Variants in RAD54L2 observed in about 807,000 individuals in gnomAD.
RAD54L2 encodes RAD54 like 2.
Under a neutral mutation model 138.4 loss-of-function variants are expected in RAD54L2, and 27 were observed. That is an observed-to-expected ratio of 0.20 (90% CI 0.14 to 0.27). The LOEUF (loss-of-function observed/expected upper bound fraction) is 0.27, where lower values mean the gene tolerates loss of function less well. Among genes scored for constraint, RAD54L2 ranks in the 10% least tolerant of loss-of-function variants. The probability of loss-of-function intolerance (pLI) is 1.00; values close to 1 mark genes in which losing one functional copy is unlikely to be tolerated. For synonymous variants in RAD54L2, 644 were observed against 723.2 expected (o/e 0.89, Z 1.76); for missense variants, 1,396 against 1,890.2 (o/e 0.74, Z 4.85).
At chr3:51,646,609 C>T (rs1039003435) in intron 19 of RAD54L2, 128 bp downstream of exon 19, 1 of 1,016,544 alleles carries the variant, frequency 9.8e-7, no homozygotes, top group African/African-American at 1.6e-5. Flanking sequence ...AGGCTCTGCT[C>T]TAGGGTAGGT....
At position 51,590,392 on chromosome 3, in the gene RAD54L2, G is replaced by A; in HGVS notation, c.-29G>A. 1.3e-6 allele frequency: 2 copies of A among 1,501,346 alleles called. No homozygotes were observed. The highest frequency in any genetic ancestry group is 1.8e-6 in the Non-Finnish European group (2 of 1,120,652). 93.0% of individuals were successfully genotyped at this position (1,501,346 alleles called of 1,614,324 possible). A position where few individuals can be genotyped will look rare whatever the true frequency, so the allele number is the denominator to read the frequency against. ...CACCCCTGCAGTGGACCATGAGTCGGTAATGCCCACTGAGGACCTCTGGGA... is the reference window on the plus strand; with the variant it reads ...CACCCCTGCAGTGGACCATGAGTCGATAATGCCCACTGAGGACCTCTGGGA... On this transcript the variant is annotated 5_prime_UTR_variant, in exon 3 of 23. Transcript: ENST00000684192.
At chr3:51,644,351 G>A (rs1251784302) in intron 16 of RAD54L2, among the ~76,000 whole-genome samples, 2 of 152,090 alleles carry the variant, frequency 1.3e-5, no homozygotes, top group South Asian at 2.1e-4. Flanking sequence ...AGGCAGAGGC[G>A]GGAGGATGGC....
rs1701915512 is a variant in RAD54L2, at chr3:51,666,494, A to G, written c.*3074A>G. 1 of 152,122 alleles carries G rather than the reference A, an allele frequency of 6.6e-6. No individual in the cohort carries two copies. Among genetic ancestry groups the G allele is most frequent in the Non-Finnish European group, 1.5e-5 (1 of 68,020 alleles). The allele number at this position is 152,122 out of a possible 1,614,324, so 9.4% of individuals were successfully genotyped here. On this transcript the variant is annotated 3_prime_UTR_variant, in exon 23 of 23. Transcript: ENST00000684192. Reference sequence around the variant, plus strand: ...CCATTGTCTTCCATGGAATGTTTTCAAGGGCCTCTCAAGCCCCATTCATCT... The same window carrying G: ...CCATTGTCTTCCATGGAATGTTTTCGAGGGCCTCTCAAGCCCCATTCATCT...
chr3:51,611,151 G>C (rs1700317164), intron 3 of RAD54L2, among the ~76,000 whole-genome samples: 1 of 149,532 alleles, frequency 6.7e-6, no homozygotes, highest in South Asian at 2.1e-4. Context: ...AGGTAAAATT[G>C]TAAGAGGAGC....
chr3:51,651,120 C>T (rs762106650), intron 19 of RAD54L2, among the ~76,000 whole-genome samples: 5 of 152,110 alleles, frequency 3.3e-5, no homozygotes, highest in Non-Finnish European at 5.9e-5. Context: ...ACTGATCCTA[C>T]GGAAATACAA....
chr3:51,639,213 C>G, intron 12 of RAD54L2: 2 of 586,864 alleles, frequency 3.4e-6, no homozygotes, highest in South Asian at 4.5e-5. Flanking sequence ...ATGCATGCTG[C>G]CATTCATGTG....
chr3:51,543,643 C>T (rs958380449), intron 2 of RAD54L2, among the ~76,000 whole-genome samples: 6 of 151,784 alleles, frequency 4.0e-5, no homozygotes, highest in Non-Finnish European at 7.4e-5. Context: ...AATAATACAC[C>T]TCTGGTCTCT....
intron 4 of RAD54L2, among the ~76,000 whole-genome samples, chr3:51,628,675 C>T (rs1408226830): frequency 2.0e-5 from 3 of 151,946 alleles, no homozygotes; most frequent in African/African-American, 7.3e-5. Context: ...CAGGCATGAG[C>T]CACTGTGCCC....
At chr3:51,624,619 C>T (rs564224693) in intron 3 of RAD54L2, among the ~76,000 whole-genome samples, 3 of 152,136 alleles carry the variant, frequency 2.0e-5, no homozygotes, top group Non-Finnish European at 2.9e-5. Context: ...GAGGTTACTA[C>T]AATTGTTCTC....
chr3:51,592,348 G>A (rs1402178956), intron 3 of RAD54L2, among the ~76,000 whole-genome samples: 1 of 151,790 alleles, frequency 6.6e-6, no homozygotes, highest in Non-Finnish European at 1.5e-5. Context: ...ACAGGGGTGA[G>A]CCACCATGCC....
intron 16 of RAD54L2, 77 bp downstream of exon 16, chr3:51,644,051 C>T (rs1701208557): frequency 1.7e-6 from 2 of 1,143,142 alleles, no homozygotes. Flanking sequence ...CCCAAAACTC[C>T]AAGTTCCCTC....
intron 3 of RAD54L2, among the ~76,000 whole-genome samples, chr3:51,607,158 G>A (rs1005571291): frequency 1.2e-4 from 18 of 148,576 alleles, no homozygotes; most frequent in African/African-American, 4.5e-4. Context: ...CTCGGAGAGG[G>A]GGATTTGGCA....
At position 51,638,365 on chromosome 3, in the gene RAD54L2, A is replaced by G; in HGVS notation, c.1860+44A>G. On this transcript the variant is annotated intron_variant, in intron 12 of 22. Coordinates refer to ENST00000684192, the MANE Select transcript of RAD54L2 (RefSeq NM_015106.4). The surrounding 1 kb of genome is among the most constrained non-coding windows in gnomAD (Gnocchi z 4.3). The stretch of plus-strand genomic sequence containing the variant: ...GAAGATTGAGATGGGGACTAAGGAT[A>G]CACATGGTCCCAAGGGAGTTACTCC... The G allele has an allele frequency of 6.2e-7, 1 of 1,606,284 alleles. No homozygotes were observed. Among genetic ancestry groups the G allele is most frequent in the Non-Finnish European group, 8.5e-7 (1 of 1,174,728 alleles).
Position 51,665,881 on chromosome 3 carries a change from G to C in RAD54L2, c.*2461G>C, listed in dbSNP as rs1445744237. On this transcript the variant is annotated 3_prime_UTR_variant, in exon 23 of 23. Coordinates refer to ENST00000684192, the MANE Select transcript of RAD54L2 (RefSeq NM_015106.4). The stretch of plus-strand genomic sequence containing the variant: ...TCACTTCTAGGAAATCACTGTACTA[G>C]CCTCCAAGAATCCGGAAACCTTCCC... 1.3e-5 allele frequency: 2 copies of C among 152,176 alleles called. No homozygotes were observed. The highest frequency in any genetic ancestry group is 4.8e-5 in the African/African-American group (2 of 41,448). The allele number at this position is 152,176 out of a possible 1,614,324, so 9.4% of individuals were successfully genotyped here.
At chr3:51,548,555 A>C (rs1698757448) in intron 2 of RAD54L2, among the ~76,000 whole-genome samples, 2 of 152,164 alleles carry the variant, frequency 1.3e-5, no homozygotes, top group African/African-American at 2.4e-5. Context: ...CCCATTGTAC[A>C]GATGAGGAAG....
chr3:51,658,927 A>G (rs1443970983), intron 21 of RAD54L2, among the ~76,000 whole-genome samples: 2 of 152,040 alleles, frequency 1.3e-5, no homozygotes, highest in African/African-American at 4.8e-5. Flanking sequence ...AAAAAATCAA[A>G]AGAGTAATAT....
intron 2 of RAD54L2, among the ~76,000 whole-genome samples, chr3:51,562,749 C>G (rs1013684497): frequency 6.6e-6 from 1 of 152,100 alleles, no homozygotes; most frequent in Non-Finnish European, 1.5e-5. Context: ...CTGTGCTCAG[C>G]GATCCTTCTG....
intron 3 of RAD54L2, among the ~76,000 whole-genome samples, chr3:51,607,723 C>T (rs1271972289): frequency 6.8e-6 from 1 of 147,734 alleles, no homozygotes; most frequent in Non-Finnish European, 1.5e-5. Context: ...GGGCGGCGGC[C>T]GGGCAGAGGG....
In RAD54L2 at chr3:51,639,866, G is replaced by A. The variant is rs1384366953; in HGVS notation, c.2113-15G>A. The A allele has an allele frequency of 6.4e-6, 10 of 1,574,700 alleles. No individual in the cohort carries two copies. Among genetic ancestry groups the A allele is most frequent in the Non-Finnish European group, 8.7e-6 (10 of 1,150,226 alleles). Reference sequence around the variant, plus strand: ...CCTTGGACCTGCTCTAAGCTGCCTTGTTTCTCTCTTGCAGGCCAAGGACCT... The same window carrying A: ...CCTTGGACCTGCTCTAAGCTGCCTTATTTCTCTCTTGCAGGCCAAGGACCT... On this transcript the variant is annotated splice_polypyrimidine_tract_variant and intron_variant, in intron 13 of 22. Coordinates refer to ENST00000684192, the MANE Select transcript of RAD54L2 (RefSeq NM_015106.4).
Sources: allele counts gnomAD v4.1 joint callset (sites outside exome capture counted in the v4.1 genomes callset), GRCh38; gene constraint gnomAD v4.1.1; non-coding constraint Gnocchi (gnomAD v3.1); transcripts MANE v1.5; gene names NCBI Gene and HGNC (gene_info 2026-07-23, HGNC 2026-07-21).